PRKAR1B: variants seen among roughly 807,000 people sequenced by gnomAD.
PRKAR1B encodes protein kinase cAMP-dependent type I regulatory subunit beta.
Under a neutral mutation model 46.5 loss-of-function variants are expected in PRKAR1B, and 22 were observed. The ratio of observed to expected loss-of-function variants is 0.47; its 90% CI spans 0.34 to 0.68. PRKAR1B has a LOEUF of 0.68. PRKAR1B is among the 30% of genes least tolerant of loss of function. The pLI, the probability that PRKAR1B is intolerant of heterozygous loss-of-function variation, is 0.01. For synonymous variants in PRKAR1B, 259 were observed against 217.7 expected, an observed-to-expected ratio of 1.19 and a Z score of -1.67; for missense variants, 445 against 535.6, an observed-to-expected ratio of 0.83 and a Z score of 1.67.
intron 4 of PRKAR1B, among the ~76,000 whole-genome samples, chr7:652,497 C>T (rs1023488053): frequency 1.5e-4 from 23 of 151,994 alleles, no homozygotes; most frequent in Non-Finnish European, 2.9e-4. Context: ...ACAGTTCACA[C>T]CCACACAGTG....
At chr7:623,603 C>T (rs950590271) in intron 4 of PRKAR1B, among the ~76,000 whole-genome samples, 2 of 152,194 alleles carry the variant, frequency 1.3e-5, no homozygotes, top group Non-Finnish European at 2.9e-5. Context: ...GAAGCCAGAA[C>T]CCCCCAGCCC....
rs1006913062 is a variant in PRKAR1B at position 666,355 on chromosome 7, C to T, written c.440+10874G>A. 6.6e-6 allele frequency among the ~76,000 whole-genome samples: 1 copy of T among 151,858 alleles called. No individual in the cohort carries two copies. ...TGGCACATCAGAGAGCTCCGGAGCA[C>T]GCGGGGCTGCTTCCTGAGGCTGCTG... On this transcript the variant is annotated intron_variant, in intron 4 of 10. Coordinates refer to ENST00000537384, the MANE Select transcript of PRKAR1B (RefSeq NM_001164760.2). The surrounding 1 kb of genome is among the most constrained non-coding windows in gnomAD (Gnocchi z 4.9).
chr7:656,344 G>T (rs1785185396), intron 4 of PRKAR1B, among the ~76,000 whole-genome samples: 1 of 152,134 alleles, frequency 6.6e-6, no homozygotes, highest in African/African-American at 2.4e-5. Flanking sequence ...ATGATGCATG[G>T]GTGAATGTAT....
At chr7:719,551 G>GT (rs1195098287) in intron 1 of PRKAR1B, among the ~76,000 whole-genome samples, 20 of 152,206 alleles carry the variant, frequency 1.3e-4, no homozygotes, top group Admixed American at 1.3e-3. Context: ...CTGGCCTCAA[G>GT]TGATTCTCCC....
chr7:599,174 G>A (rs1053431730), intron 6 of PRKAR1B, among the ~76,000 whole-genome samples: 16 of 152,346 alleles, frequency 1.1e-4, no homozygotes, highest in South Asian at 2.1e-4. Context: ...TCGGCCGCCC[G>A]GAGGACAAAG....
chr7:660,910 C>G (rs1785503680), intron 4 of PRKAR1B, among the ~76,000 whole-genome samples: 1 of 121,780 alleles, frequency 8.2e-6, no homozygotes, highest in Non-Finnish European at 1.7e-5. Flanking sequence ...TACCTACTCT[C>G]CCCCCATGGC....
intron 8 of PRKAR1B, among the ~76,000 whole-genome samples, chr7:580,277 G>A (rs1440749900): frequency 6.6e-6 from 1 of 151,474 alleles, no homozygotes; most frequent in Non-Finnish European, 1.5e-5. Context: ...AAACTGGCCG[G>A]GTGCAGTGGC....
At chr7:707,821 C>G (rs759850002) in intron 2 of PRKAR1B, among the ~76,000 whole-genome samples, 2 of 151,754 alleles carry the variant, frequency 1.3e-5, no homozygotes, top group African/African-American at 2.4e-5. Context: ...ACAGAACCTT[C>G]TCCCACATGG....
chr7:588,004 A>T (rs2128449827), intron 7 of PRKAR1B, among the ~76,000 whole-genome samples: 1 of 152,320 alleles, frequency 6.6e-6, no homozygotes. Flanking sequence ...ACAGTTGCTT[A>T]TTCTGGGCCC....
In PRKAR1B at chr7:673,040, G is replaced by C. The variant is rs1417042616; in HGVS notation, c.440+4189C>G. On this transcript the variant is annotated intron_variant, in intron 4 of 10. Transcript: ENST00000537384. ...AGCCTGGGTGAGAGAGTAAGGCCTT[G>C]TCTTTAAAAAAAAAAAAAAAAAAAA... 5.4e-5 allele frequency among the ~76,000 whole-genome samples: 3 copies of C among 55,542 alleles called. No individual in the cohort carries two copies. In the East Asian group the frequency reaches 2.0e-3, roughly 37 times the overall value. The allele number at this position is 55,542 out of a possible 152,430, so 36.4% of individuals were successfully genotyped here.
rs1781776390 is a variant in PRKAR1B, at chr7:603,583, A to C, written c.549+2610T>G. ...TCCAGGAAGGAGACGGCAGGGGAGG[A>C]GGCGACATGATGACTCCAGGACCCA... On this transcript the variant is annotated intron_variant, in intron 6 of 10. Coordinates refer to ENST00000537384, the MANE Select transcript of PRKAR1B (RefSeq NM_001164760.2). Among the ~76,000 whole-genome samples, 4 of 147,982 alleles carry C rather than the reference A, an allele frequency of 2.7e-5. No homozygotes were observed. The South Asian group carries it at 8.5e-4, about 31-fold the overall frequency.
At chr7:708,884 C>T (rs1427272236) in intron 2 of PRKAR1B, among the ~76,000 whole-genome samples, 2 of 151,358 alleles carry the variant, frequency 1.3e-5, no homozygotes, top group South Asian at 2.1e-4. Context: ...CTCCACCTCC[C>T]GGGTTCAAGC....
rs187290761 is a variant in PRKAR1B at position 720,980 on chromosome 7, T to A, written c.-23+6230A>T. 2.3e-3 allele frequency among the ~76,000 whole-genome samples: 344 copies of A among 152,344 alleles called. 3 individuals carry two copies. Among genetic ancestry groups the A allele is most frequent in the Middle Eastern group, 0.017 (5 of 294 alleles). The stretch of plus-strand genomic sequence containing the variant: ...GATATATTAGGGCTTACGCTTGCCA[T>A]TTAATCATCTGTTCTCTCATGCTTT... On this transcript the variant is annotated intron_variant, in intron 1 of 10. Transcript: ENST00000537384.
At chr7:588,945 G>GTGGTGATGGTGGTGA (rs1780821936) in intron 7 of PRKAR1B, among the ~76,000 whole-genome samples, 2 of 7,290 alleles carry the variant, frequency 2.7e-4, no homozygotes, top group East Asian at 7.0e-3. Context: ...GGTGGTGATG[G>GTGGTGATGGTGGTGA]TGGTGATGGT....
At position 666,485 on chromosome 7, in the gene PRKAR1B, C is replaced by T. The variant is rs1348602402; in HGVS notation, c.440+10744G>A. Among the ~76,000 whole-genome samples the T allele has an allele frequency of 4.6e-5, 7 of 152,338 alleles. No individual in the cohort carries two copies. Among genetic ancestry groups the T allele is most frequent in the African/African-American group, 1.4e-4 (6 of 41,590 alleles). On this transcript the variant is annotated intron_variant, in intron 4 of 10. Coordinates refer to ENST00000537384, the MANE Select transcript of PRKAR1B (RefSeq NM_001164760.2). This position sits in a 1 kb window ranked among gnomAD's most constrained non-coding sequence, Gnocchi z 4.9. ...GGTGAGAAGGCTGCACCTACCACCA[C>T]CCTGGGGCCTGCCCTGGGAGCTACT...
chr7:616,239 A>G (rs1782817779), intron 4 of PRKAR1B, among the ~76,000 whole-genome samples: 1 of 152,216 alleles, frequency 6.6e-6, no homozygotes, highest in African/African-American at 2.4e-5. Flanking sequence ...CCTGGCTCTC[A>G]CTGACAAAAC....
intron 4 of PRKAR1B, among the ~76,000 whole-genome samples, chr7:673,058 A>AAAC (rs1355879812): frequency 1.5e-5 from 2 of 131,716 alleles, no homozygotes; most frequent in Non-Finnish European, 3.2e-5. Flanking sequence ...AAAAAAAAAA[A>AAAC]AAAAAAAAAA....
At chr7:716,386 T>C (rs1780885678) in intron 1 of PRKAR1B, among the ~76,000 whole-genome samples, 1 of 152,102 alleles carries the variant, frequency 6.6e-6, no homozygotes, top group Non-Finnish European at 1.5e-5. Context: ...AATCACCACA[T>C]ACCTCGCACT....
chr7:589,592 G>A (rs1284475201), intron 7 of PRKAR1B, among the ~76,000 whole-genome samples: 6 of 152,146 alleles, frequency 3.9e-5, no homozygotes, highest in South Asian at 2.1e-4. Context: ...GGTGTGGCCT[G>A]CCTATGCCCA....
Sources: allele counts gnomAD v4.1 joint callset (sites outside exome capture counted in the v4.1 genomes callset), GRCh38; gene constraint gnomAD v4.1.1; non-coding constraint Gnocchi (gnomAD v3.1); transcripts MANE v1.5; gene names NCBI Gene and HGNC (gene_info 2026-07-23, HGNC 2026-07-21).